FRMD5: variants seen among roughly 807,000 people sequenced by gnomAD.
FRMD5 encodes FERM domain containing 5.
A neutral mutation model predicts 69.0 loss-of-function variants in FRMD5; 20 were observed. That is an observed-to-expected ratio of 0.29 (90% CI 0.20 to 0.42). The LOEUF is 0.42. FRMD5 is among the 10% of genes least tolerant of loss of function. FRMD5 has a pLI of 1.00. For synonymous variants in FRMD5, 271 were observed against 260.1 expected, an observed-to-expected ratio of 1.04 and a Z score of -0.40; for missense variants, 595 against 708.6, an observed-to-expected ratio of 0.84 and a Z score of 1.82.
chr15:44,188,929 C>A (rs966174361), intron 1 of FRMD5, among the ~76,000 whole-genome samples: 6 of 151,654 alleles, frequency 4.0e-5, no homozygotes, highest in Non-Finnish European at 7.4e-5. Flanking sequence ...TTCGGGGAGT[C>A]AGAAGTGGAA....
chr15:43,889,769 TAGC>T (rs1407465979), intron 8 of FRMD5, among the ~76,000 whole-genome samples: 3 of 152,148 alleles, frequency 2.0e-5, no homozygotes, highest in Admixed American at 6.5e-5. Context: ...CTGCCCAACA[TAGC>T]TGCCCTCTGG....
chr15:44,046,531 T>C (rs764084570), intron 1 of FRMD5, among the ~76,000 whole-genome samples: 1 of 152,212 alleles, frequency 6.6e-6, no homozygotes, highest in Non-Finnish European at 1.5e-5. Flanking sequence ...CAATGGGCCA[T>C]GCACAAAAAT....
intron 1 of FRMD5, among the ~76,000 whole-genome samples, chr15:44,145,024 T>C (rs2077335555): frequency 6.6e-6 from 1 of 152,218 alleles, no homozygotes; most frequent in African/African-American, 2.4e-5. Flanking sequence ...AGAATGCTCT[T>C]ATCCTTTTCA....
At chr15:43,889,638 ACCTCCTGCTCTCAG>A (rs1190379709) in intron 8 of FRMD5, among the ~76,000 whole-genome samples, 1 of 151,938 alleles carries the variant, frequency 6.6e-6, no homozygotes, top group Non-Finnish European at 1.5e-5. Context: ...CTCCACATCC[ACCTCCTGCTCTCAG>A]CCTTGGTTAC....
chr15:44,030,838 G>C (rs1232984494), intron 1 of FRMD5, among the ~76,000 whole-genome samples: 1 of 152,152 alleles, frequency 6.6e-6, no homozygotes, highest in African/African-American at 2.4e-5. Flanking sequence ...CTGGATGAGA[G>C]AAACTTAAGA....
intron 1 of FRMD5, among the ~76,000 whole-genome samples, chr15:44,193,304 C>T (rs180894442): frequency 3.3e-5 from 5 of 152,292 alleles, no homozygotes; most frequent in Admixed American, 1.3e-4. Flanking sequence ...TCACACTCCC[C>T]TTGATATGCT....
Position 43,883,811 on chromosome 15 carries a change from T to C in FRMD5, c.1029-2A>G. ...CTCCGGCTGGGAACCATCCCTGCTC[T>C]GAGGTTAAAGAAAAAGAACCTTGTT... On this transcript the variant is annotated splice_acceptor_variant, in intron 12 of 13. Coordinates refer to ENST00000417257, the MANE Select transcript of FRMD5 (RefSeq NM_032892.5). LOFTEE classifies it high-confidence loss of function. 1.2e-6 allele frequency: 2 copies of C among 1,612,566 alleles called. No individual in the cohort carries two copies. The highest frequency in any genetic ancestry group is 8.5e-7 in the Non-Finnish European group (1 of 1,178,586).
intron 5 of FRMD5, among the ~76,000 whole-genome samples, chr15:43,907,140 T>C (rs1306925176): frequency 6.6e-6 from 1 of 152,190 alleles, no homozygotes; most frequent in East Asian, 1.9e-4. Flanking sequence ...GGCCAGCTAC[T>C]CTGTGGGTGC....
At chr15:43,984,524 T>G (rs1205553415) in intron 1 of FRMD5, among the ~76,000 whole-genome samples, 1 of 152,212 alleles carries the variant, frequency 6.6e-6, no homozygotes, top group South Asian at 2.1e-4. Flanking sequence ...ACAATCCTTG[T>G]CACAACTGCT....
chr15:43,973,734 T>G (rs997267691), intron 1 of FRMD5, among the ~76,000 whole-genome samples: 1 of 152,042 alleles, frequency 6.6e-6, no homozygotes, highest in African/African-American at 2.4e-5. Flanking sequence ...AGCATTATAA[T>G]ACAGCTATTA....
At chr15:44,057,398 G>A (rs187027909) in intron 1 of FRMD5, among the ~76,000 whole-genome samples, 7 of 152,280 alleles carry the variant, frequency 4.6e-5, no homozygotes, top group Non-Finnish European at 7.4e-5. Context: ...GAGCCACCAC[G>A]CCTGGCTGAA....
At chr15:44,023,449 T>C (rs1891299226) in intron 1 of FRMD5, among the ~76,000 whole-genome samples, 1 of 152,170 alleles carries the variant, frequency 6.6e-6, no homozygotes, top group Non-Finnish European at 1.5e-5. Context: ...GAGGTGGCAA[T>C]AGGCAGAACA....
chr15:43,909,929 A>T lies in FRMD5; in HGVS notation c.380T>A (p.Leu127His). 1 of 1,613,392 alleles carries T rather than the reference A, an allele frequency of 6.2e-7. No homozygotes were observed. Among genetic ancestry groups the T allele is most frequent in the Non-Finnish European group, 8.5e-7 (1 of 1,179,448 alleles). ...IKRDLYHGRL[L>H]CKTSDAALLA... ...CAAGGCAGCATCCGATGTTTTACAGAGGAGTCGGCCATGGTAGAGATCCCT... is the reference window on the plus strand; with the variant it reads ...CAAGGCAGCATCCGATGTTTTACAGTGGAGTCGGCCATGGTAGAGATCCCT... The change falls in exon 5 of 14, where the codon CTC becomes CAC. Residue 127 changes from leucine (L) to histidine (H), a missense_variant. Transcript: ENST00000417257.
chr15:43,997,948 T>TAG (rs1403194464), intron 1 of FRMD5, among the ~76,000 whole-genome samples: 1 of 152,104 alleles, frequency 6.6e-6, no homozygotes, highest in Non-Finnish European at 1.5e-5. Context: ...TTTCCTGTCT[T>TAG]AAAAAAAGTT....
chr15:43,992,501 C>G (rs1272176110), intron 1 of FRMD5, among the ~76,000 whole-genome samples: 1 of 152,064 alleles, frequency 6.6e-6, no homozygotes, highest in Non-Finnish European at 1.5e-5. Flanking sequence ...CCTCAGCCTC[C>G]TGAGTAGCTG....
At position 43,944,443 on chromosome 15, in the gene FRMD5, G is replaced by A. The variant is rs191904363; in HGVS notation, c.103-20134C>T. Among the ~76,000 whole-genome samples the A allele has an allele frequency of 1.8e-3, 270 of 152,238 alleles. 2 individuals carry two copies. Among genetic ancestry groups the A allele is most frequent in the African/African-American group, 6.3e-3 (263 of 41,540 alleles). On this transcript the variant is annotated intron_variant, in intron 1 of 13. Transcript: ENST00000417257. Reference sequence around the variant, plus strand: ...GACCCACTTCTTTTGTTTTTGAGACGGAGTTTTCACTCTTGTTGCCCAGGC... The same window carrying A: ...GACCCACTTCTTTTGTTTTTGAGACAGAGTTTTCACTCTTGTTGCCCAGGC...
At chr15:43,915,579 T>C (rs2140431022) in intron 4 of FRMD5, among the ~76,000 whole-genome samples, 1 of 152,324 alleles carries the variant, frequency 6.6e-6, no homozygotes, top group African/African-American at 2.4e-5. Flanking sequence ...CTGCAATCCC[T>C]GTTAAAAGCC....
At chr15:43,919,727 C>T (rs1174692225) in intron 3 of FRMD5, 40 bp downstream of exon 3, 3 of 1,600,294 alleles carry the variant, frequency 1.9e-6, no homozygotes, top group East Asian at 4.5e-5. Context: ...CCCACCCTCC[C>T]CAGGGGTGTG....
intron 1 of FRMD5, among the ~76,000 whole-genome samples, chr15:44,185,929 CTGTT>C (rs1344209991): frequency 2.6e-5 from 4 of 151,816 alleles, no homozygotes; most frequent in South Asian, 4.1e-4. Context: ...TGTTTTTTGT[CTGTT>C]TGTTTGTTTT....
Sources: allele counts gnomAD v4.1 joint callset (sites outside exome capture counted in the v4.1 genomes callset), GRCh38; gene constraint gnomAD v4.1.1; transcripts MANE v1.5; gene names NCBI Gene and HGNC (gene_info 2026-07-23, HGNC 2026-07-21).